PPFIA2: variants seen among roughly 807,000 people sequenced by gnomAD.
The protein encoded by PPFIA2 is liprin-alpha-2.
Under a neutral mutation model 175.5 loss-of-function variants are expected in PPFIA2, and 46 were observed. The ratio of observed to expected loss-of-function variants is 0.26; its 90% CI spans 0.21 to 0.34. The LOEUF is 0.34. PPFIA2 is among the 10% of genes least tolerant of loss of function. PPFIA2 has a pLI of 1.00. For synonymous variants in PPFIA2, 568 were observed against 511.4 expected, an observed-to-expected ratio of 1.11 and a Z score of -1.49; for missense variants, 1,179 against 1,506.1, an observed-to-expected ratio of 0.78 and a Z score of 3.60.
chr12:81,420,682 G>A (rs2046083289), intron 7 of PPFIA2, among the ~76,000 whole-genome samples: 1 of 151,790 alleles, frequency 6.6e-6, no homozygotes, highest in Admixed American at 6.6e-5. Flanking sequence ...ACACCATCAA[G>A]TGGGCCAGTT....
chr12:81,754,892 C>T (rs576840193), intron 2 of PPFIA2, among the ~76,000 whole-genome samples: 43 of 152,208 alleles, frequency 2.8e-4, no homozygotes, highest in African/African-American at 9.6e-4. Context: ...TGAATTCCTA[C>T]GTGGTCTACC....
chr12:81,641,425 T>C (rs1407633205), intron 4 of PPFIA2, among the ~76,000 whole-genome samples: 1 of 152,076 alleles, frequency 6.6e-6, no homozygotes, highest in Non-Finnish European at 1.5e-5. Context: ...ATTGCCAAGG[T>C]ACGCACACCT....
chr12:81,716,948 G>C (rs776376996), intron 3 of PPFIA2, among the ~76,000 whole-genome samples: 4 of 146,784 alleles, frequency 2.7e-5, no homozygotes, highest in Admixed American at 6.8e-5. Flanking sequence ...GAATAAGTCA[G>C]AAAAAAAAAA....
At chr12:81,546,172 G>C (rs1229109757) in intron 4 of PPFIA2, 1 of 151,048 alleles carries the variant, frequency 6.6e-6, no homozygotes. Context: ...AGGTAAAGCT[G>C]TGGTGTTTTC....
At chr12:81,341,253 C>T in intron 19 of PPFIA2, 45 bp from the exon 20 acceptor site, 1 of 1,576,612 alleles carries the variant, frequency 6.3e-7, no homozygotes, top group Non-Finnish European at 8.6e-7. Context: ...TTCTAAATTT[C>T]AGTTGAAATT....
At chr12:81,708,012 G>C (rs2153611286) in intron 3 of PPFIA2, among the ~76,000 whole-genome samples, 1 of 134,918 alleles carries the variant, frequency 7.4e-6, no homozygotes, top group Admixed American at 8.1e-5. Context: ...TCACACTCTG[G>C]GGACTGTTGT....
At chr12:81,449,488 C>CA (rs552912790) in intron 5 of PPFIA2, among the ~76,000 whole-genome samples, 1,236 of 93,090 alleles carry the variant, frequency 0.013, 11 homozygotes, top group African/African-American at 0.026. Context: ...TTACTTCAGA[C>CA]AAAAAAAAAA....
intron 4 of PPFIA2, among the ~76,000 whole-genome samples, chr12:81,523,423 A>G (rs2063381051): frequency 6.6e-6 from 1 of 152,152 alleles, no homozygotes; most frequent in African/African-American, 2.4e-5. Context: ...TAAAAACACA[A>G]AAGTATTTCA....
At chr12:81,375,027 T>C (rs1263915281) in intron 10 of PPFIA2, among the ~76,000 whole-genome samples, 1 of 152,172 alleles carries the variant, frequency 6.6e-6, no homozygotes, top group Non-Finnish European at 1.5e-5. Context: ...TGAGTATACA[T>C]TTTAACAAAG....
At chr12:81,529,249 A>G (rs1161174260) in intron 4 of PPFIA2, among the ~76,000 whole-genome samples, 1 of 152,052 alleles carries the variant, frequency 6.6e-6, no homozygotes, top group African/African-American at 2.4e-5. Flanking sequence ...GTGTTACATA[A>G]AGATATAAGC....
intron 4 of PPFIA2, among the ~76,000 whole-genome samples, chr12:81,657,572 G>A (rs1322722636): frequency 6.6e-6 from 1 of 152,158 alleles, no homozygotes; most frequent in East Asian, 1.9e-4. Flanking sequence ...CAGTCACAGG[G>A]AGGATGTTTA....
At position 81,653,273 on chromosome 12, in the gene PPFIA2, T is replaced by C. The variant is rs75477232; in HGVS notation, c.303+23518A>G. Among the ~76,000 whole-genome samples, 13 of 152,246 alleles carry C rather than the reference T, an allele frequency of 8.5e-5. No individual in the cohort carries two copies. In the East Asian group the frequency reaches 1.9e-3, roughly 23 times the overall value. On this transcript the variant is annotated intron_variant, in intron 4 of 32. Transcript: ENST00000549396. The stretch of plus-strand genomic sequence containing the variant: ...ATCCAGACTCCTACAGGACCTAGCA[T>C]GATTAGCTGTTGCCTCTCACTCCAA...
In PPFIA2 at chr12:81,259,516, G is replaced by T; in HGVS notation, c.*178C>A. On this transcript the variant is annotated 3_prime_UTR_variant, in exon 33 of 33. Transcript: ENST00000549396. ...AGTAAACTAATCAAATGTAATATCT[G>T]ACTCCCCCCAAAAATCACATTTTTC... 1.1e-6 allele frequency: 1 copy of T among 919,020 alleles called. No individual in the cohort carries two copies. Among genetic ancestry groups the T allele is most frequent in the Non-Finnish European group, 1.7e-6 (1 of 599,672 alleles). 56.9% of individuals were successfully genotyped at this position (919,020 alleles called of 1,614,324 possible). A position where few individuals can be genotyped will look rare whatever the true frequency, so the allele number is the denominator to read the frequency against.
intron 19 of PPFIA2, among the ~76,000 whole-genome samples, chr12:81,343,818 T>A (rs1475356109): frequency 6.6e-6 from 1 of 152,156 alleles, no homozygotes; most frequent in African/African-American, 2.4e-5. Context: ...TATTTTTTTA[T>A]TTTGCATAGT....
rs184584828 is a variant in PPFIA2, at chr12:81,491,952, C to T, written c.304-34086G>A. 9.2e-4 allele frequency among the ~76,000 whole-genome samples: 140 copies of T among 152,076 alleles called. 1 individual carries two copies. Among genetic ancestry groups the T allele is most frequent in the African/African-American group, 3.2e-3 (133 of 41,508 alleles). ...TGCCTGGAACATTATCTTATTCACC[C>T]TTCAATGTTTCTAAATCCTATATAC... On this transcript the variant is annotated intron_variant, in intron 4 of 32. Coordinates refer to ENST00000549396, the MANE Select transcript of PPFIA2 (RefSeq NM_003625.5).
intron 4 of PPFIA2, among the ~76,000 whole-genome samples, chr12:81,578,001 C>T (rs568756378): frequency 3.6e-4 from 54 of 151,722 alleles, no homozygotes; most frequent in East Asian, 7.8e-4. Flanking sequence ...CTTTCTATTA[C>T]GAGAAGATCC....
intron 22 of PPFIA2, among the ~76,000 whole-genome samples, chr12:81,323,875 G>T (rs2054199467): frequency 1.3e-5 from 2 of 151,952 alleles, no homozygotes; most frequent in African/African-American, 4.8e-5. Flanking sequence ...CAGGGCTATT[G>T]CTATGGGATA....
intron 3 of PPFIA2, among the ~76,000 whole-genome samples, chr12:81,726,618 C>T (rs1455317403): frequency 1.3e-5 from 2 of 151,272 alleles, no homozygotes; most frequent in African/African-American, 4.8e-5. Context: ...AAACAGTAAT[C>T]ACCTTCCCTA....
chr12:81,642,728 CATGTATATGT>C lies in PPFIA2; in HGVS notation c.303+34053_303+34062del, dbSNP rs755517860. Reference sequence around the variant, plus strand: ...TATGTATGTATGTATTATATACATACATGTATATGTATGTATGTATTATATACATACATGT... The same window carrying C: ...TATGTATGTATGTATTATATACATACATGTATGTATTATATACATACATGT... On this transcript the variant is annotated intron_variant, in intron 4 of 32. Transcript: ENST00000549396. Among the ~76,000 whole-genome samples, 7 of 11,324 alleles carry C rather than the reference CATGTATATGT, an allele frequency of 6.2e-4. 2 individuals carry two copies. The highest frequency in any genetic ancestry group is 7.2e-3 in the South Asian group (2 of 276). The allele number at this position is 11,324 out of a possible 152,430, so 7.4% of individuals were successfully genotyped here.
Sources: allele counts gnomAD v4.1 joint callset (sites outside exome capture counted in the v4.1 genomes callset), GRCh38; gene constraint gnomAD v4.1.1; transcripts MANE v1.5; gene names NCBI Gene and HGNC (gene_info 2026-07-23, HGNC 2026-07-21).